PCDHA11: variants seen among roughly 807,000 people sequenced by gnomAD.
PCDHA11 encodes the protein protocadherin alpha-11.
PCDHA11 carries 61 observed loss-of-function variants against 70.3 expected under a neutral mutation model. That is an observed-to-expected ratio of 0.87 (90% CI 0.71 to 1.07). The LOEUF (loss-of-function observed/expected upper bound fraction) is 1.07. Among genes scored for constraint, PCDHA11 ranks in the 50% least tolerant of loss-of-function variants. PCDHA11 has a pLI of 0.00. For synonymous variants in PCDHA11, 633 were observed against 555.1 expected (o/e 1.14, Z -1.97); for missense variants, 1,324 against 1,237.5 (o/e 1.07, Z -1.05).
At chr5:140,882,534 G>C in intron 1 of PCDHA11, 1 of 1,614,204 alleles carries the variant, frequency 6.2e-7, no homozygotes. Flanking sequence ...GTGAATTCTC[G>C]GATCGACCGC....
At chr5:140,882,252 G>A in intron 1 of PCDHA11, 1 of 1,597,600 alleles carries the variant, frequency 6.3e-7, no homozygotes, top group Non-Finnish European at 8.5e-7. Context: ...ATAGCTCTGA[G>A]GTTTTTGGAG....
intron 1 of PCDHA11, among the ~76,000 whole-genome samples, chr5:140,903,428 T>C (rs954463543): frequency 2.0e-5 from 3 of 152,210 alleles, no homozygotes; most frequent in Non-Finnish European, 4.4e-5. Flanking sequence ...CAGCACAATA[T>C]GTATCAGTGG....
At position 140,883,968 on chromosome 5, in the gene PCDHA11, C is replaced by G. The variant is rs201548026; in HGVS notation, c.2391+12474C>G. 34 of 1,613,020 alleles carry G rather than the reference C, an allele frequency of 2.1e-5. No homozygotes were observed. The East Asian group carries it at 7.4e-4, about 35-fold the overall frequency. ...AACGACAACGCTCCGGCGCTGCTGACGCCCGGGGCTGGCAGCGCGGGAGGC... is the reference window on the plus strand; with the variant it reads ...AACGACAACGCTCCGGCGCTGCTGAGGCCCGGGGCTGGCAGCGCGGGAGGC... On this transcript the variant is annotated intron_variant, in intron 1 of 3. Coordinates refer to ENST00000398640, the MANE Select transcript of PCDHA11 (RefSeq NM_018902.5).
chr5:140,928,697 G>A (rs1554206190), intron 1 of PCDHA11: 1 of 1,614,122 alleles, frequency 6.2e-7, no homozygotes, highest in Non-Finnish European at 8.5e-7. Context: ...CACATCTCCC[G>A]GGCGTCTGAC....
intron 3 of PCDHA11, among the ~76,000 whole-genome samples, chr5:140,998,936 A>G (rs1328813980): frequency 6.6e-5 from 10 of 152,246 alleles, no homozygotes; most frequent in African/African-American, 2.4e-4. Flanking sequence ...TTACAGATGA[A>G]GAAACTGTAA....
intron 1 of PCDHA11, chr5:140,882,524 G>C (rs1340644606): frequency 9.9e-6 from 16 of 1,614,090 alleles, no homozygotes; most frequent in African/African-American, 2.7e-5. Context: ...CATTTTGTTT[G>C]TGAATTCTCG....
intron 1 of PCDHA11, among the ~76,000 whole-genome samples, chr5:140,895,833 C>G (rs1325973837): frequency 2.0e-5 from 3 of 152,038 alleles, no homozygotes; most frequent in Non-Finnish European, 2.9e-5. Context: ...TTTTTTCAGA[C>G]AAAGTCTCAC....
intron 1 of PCDHA11, chr5:140,881,378 G>A (rs2058692175): frequency 1.0e-6 from 1 of 984,802 alleles, no homozygotes; most frequent in Non-Finnish European, 1.2e-6. Context: ...ATTGCAGCCG[G>A]CGGCGGTAAG....
In PCDHA11 at chr5:140,868,996, G is replaced by A. The variant is rs2050789342; in HGVS notation, c.-108G>A. ...CATCATACCGGATGCCACCGTTTAA[G>A]GATCCTTTGAAACTTCTTAAGAATT... is the stretch of plus-strand genomic sequence containing the variant. On this transcript the variant is annotated 5_prime_UTR_variant, in exon 1 of 4. Transcript: ENST00000398640. The A allele has an allele frequency of 2.6e-6, 4 of 1,516,490 alleles. No individual in the cohort carries two copies. The African/African-American group carries it at 4.2e-5, about 16-fold the overall frequency. 93.9% of individuals were successfully genotyped at this position (1,516,490 alleles called of 1,614,324 possible).
At chr5:140,927,616 G>C in intron 1 of PCDHA11, 1 of 1,614,164 alleles carries the variant, frequency 6.2e-7, no homozygotes, top group Non-Finnish European at 8.5e-7. Flanking sequence ...CCGCACCAAG[G>C]TTCCAGAGAC....
At position 140,869,664 on chromosome 5, in the gene PCDHA11, G is replaced by T; in HGVS notation, c.561G>T (p.Lys187Asn). 6.2e-7 allele frequency: 1 copy of T among 1,613,474 alleles called. No homozygotes were observed. The highest frequency in any genetic ancestry group is 8.5e-7 in the Non-Finnish European group (1 of 1,179,862). The part of the protein sequence containing the change: ...YFSLDSPTNG[K>N]QIKRLSLILK... ...CTTTAGATTCACCAACAAATGGTAA[G>T]CAGATTAAAAGACTGTCACTTATTT... Residue 187 changes from lysine (K) to asparagine (N), a missense_variant, in exon 1 of 4, where the codon AAG becomes AAT. Coordinates refer to ENST00000398640, the MANE Select transcript of PCDHA11 (RefSeq NM_018902.5).
chr5:140,869,960 C>G lies in PCDHA11; in HGVS notation c.857C>G (p.Pro286Arg). ...EVTYSLMSIKPNGRHLFTLDQ... is the reference protein window; with the variant it reads ...EVTYSLMSIKRNGRHLFTLDQ... ...ACATACTCCTTAATGTCAATTAAGCCCAATGGAAGACACTTATTTACACTA... is the reference window on the plus strand; with the variant it reads ...ACATACTCCTTAATGTCAATTAAGCGCAATGGAAGACACTTATTTACACTA... The change falls in exon 1 of 4, where the codon CCC becomes CGC. Residue 286 changes from proline to arginine, a missense_variant. Physicochemically the swap from Pro to Arg is moderately radical, Grantham distance 103. Coordinates refer to ENST00000398640, the MANE Select transcript of PCDHA11 (RefSeq NM_018902.5). 6.2e-7 allele frequency: 1 copy of G among 1,612,264 alleles called. No homozygotes were observed. Among genetic ancestry groups the G allele is most frequent in the Non-Finnish European group, 8.5e-7 (1 of 1,179,126 alleles).
At chr5:140,946,345 G>A (rs1292610586) in intron 1 of PCDHA11, among the ~76,000 whole-genome samples, 1 of 151,836 alleles carries the variant, frequency 6.6e-6, no homozygotes, top group Non-Finnish European at 1.5e-5. Flanking sequence ...GTGATGGAGA[G>A]GATGTGGAGA....
At chr5:140,999,795 T>C (rs1222111677) in intron 3 of PCDHA11, among the ~76,000 whole-genome samples, 3 of 152,224 alleles carry the variant, frequency 2.0e-5, no homozygotes, top group Non-Finnish European at 4.4e-5. Context: ...GGCAGAGTTA[T>C]TTTGGGCACA....
intron 1 of PCDHA11, chr5:140,968,792 A>G (rs200477554): frequency 2.5e-6 from 4 of 1,614,186 alleles, no homozygotes; most frequent in Admixed American, 3.3e-5. Flanking sequence ...CTCTGTGGCC[A>G]TTACAGTAGC....
chr5:140,963,196 GA>G (rs199602110), intron 1 of PCDHA11, among the ~76,000 whole-genome samples: 26 of 147,674 alleles, frequency 1.8e-4, no homozygotes, highest in South Asian at 4.3e-4. Context: ...CTGTGAAAAT[GA>G]AAAAAAAAAC....
rs781790601 is a variant in PCDHA11 at position 140,870,998 on chromosome 5, C to G, written c.1895C>G (p.Thr632Arg). The G allele has an allele frequency of 6.2e-6, 10 of 1,613,366 alleles. No individual in the cohort carries two copies. The Admixed American group carries it at 1.7e-4, about 27-fold the overall frequency. Residue 632 changes from threonine (T) to arginine (R), a missense_variant, in exon 1 of 4, where the codon ACA (threonine) becomes AGA (arginine). Physicochemically the swap from Thr to Arg is moderately conservative, Grantham distance 71. Transcript: ENST00000398640. The part of the protein sequence containing the change: ...RVGLYTGEIS[T>R]TRALDEADSP... Reference sequence around the variant, plus strand: ...GGGCTGTACACGGGCGAGATAAGCACAACGCGTGCCCTGGACGAGGCAGAC... The same window carrying G: ...GGGCTGTACACGGGCGAGATAAGCAGAACGCGTGCCCTGGACGAGGCAGAC...
In PCDHA11 at chr5:141,009,750, T is replaced by C; in HGVS notation, c.2663T>C (p.Ile888Thr). Residue 888 changes from isoleucine (I) to threonine (T), a missense_variant, in exon 4 of 4, where the codon ATT becomes ACT. By Grantham distance (89) the Ile-to-Thr change is moderately conservative. Coordinates refer to ENST00000398640, the MANE Select transcript of PCDHA11 (RefSeq NM_018902.5). ...CCCGGTGAGTTGCCCGACAAATTCA[T>C]TATCCCAGGATCTCCTGCAATCATC... ...SGPGELPDKF[I>T]IPGSPAIISI... 1.2e-6 allele frequency: 2 copies of C among 1,614,130 alleles called. No individual in the cohort carries two copies. The highest frequency in any genetic ancestry group is 3.3e-5 in the Admixed American group (2 of 60,026).
chr5:141,000,292 T>C (rs2097899521), intron 3 of PCDHA11, among the ~76,000 whole-genome samples: 1 of 149,730 alleles, frequency 6.7e-6, no homozygotes, highest in Non-Finnish European at 1.5e-5. Flanking sequence ...GGAATATTGC[T>C]TGAGGCCAGG....
Sources: allele counts gnomAD v4.1 joint callset (sites outside exome capture counted in the v4.1 genomes callset), GRCh38; gene constraint gnomAD v4.1.1; transcripts MANE v1.5; gene names NCBI Gene and HGNC (gene_info 2026-07-23, HGNC 2026-07-21).